The following PHIP variants were observed in gnomAD, a reference collection of about 807,000 sequenced individuals.
PHIP encodes the protein PH-interacting protein.
PHIP carries 54 observed loss-of-function variants against 236.8 expected under a neutral mutation model. The ratio of observed to expected loss-of-function variants is 0.23; its 90% CI spans 0.18 to 0.29. The LOEUF (loss-of-function observed/expected upper bound fraction) is 0.29. PHIP is among the 10% of genes least tolerant of loss of function. The pLI, the probability that PHIP is intolerant of heterozygous loss-of-function variation, is 1.00. For missense variants in PHIP, 1,370 were observed against 2,190.8 expected (o/e 0.63, Z 7.48); for synonymous variants, 756 against 718.9 (o/e 1.05, Z -0.83).
In PHIP at chr6:79,037,378, C is replaced by T. The variant is rs114101388; in HGVS notation, c.600+5465G>A. Among the ~76,000 whole-genome samples, 274 of 152,226 alleles carry T rather than the reference C, an allele frequency of 1.8e-3. 1 individual carries two copies. Among genetic ancestry groups the T allele is most frequent in the African/African-American group, 6.2e-3 (256 of 41,538 alleles). ...AAACAAGAAGCTGTGTTTTTCTCAG[C>T]GCATCACTTCTGAGAACACAACGTC... On this transcript the variant is annotated intron_variant, in intron 7 of 39. Coordinates refer to ENST00000275034, the MANE Select transcript of PHIP (RefSeq NM_017934.7).
At chr6:78,997,746 G>A (rs1474023922) in intron 18 of PHIP, 149 bp from the exon 19 acceptor site, 3 of 636,250 alleles carry the variant, frequency 4.7e-6, no homozygotes, top group Admixed American at 6.6e-5. Flanking sequence ...CTAAACCACA[G>A]GCAAAAGTGG....
chr6:79,035,077 C>T (rs571351224), intron 7 of PHIP, among the ~76,000 whole-genome samples: 20 of 152,202 alleles, frequency 1.3e-4, no homozygotes, highest in Admixed American at 1.2e-3. Flanking sequence ...ACTAACTACC[C>T]TAGAATTTGC....
chr6:79,022,711 G>A (rs1221871769), intron 9 of PHIP, among the ~76,000 whole-genome samples: 1 of 152,084 alleles, frequency 6.6e-6, no homozygotes, highest in African/African-American at 2.4e-5. Context: ...CCTACCCAGA[G>A]ACCTCTGGAG....
At chr6:79,038,087 C>CCT (rs1215208932) in intron 7 of PHIP, among the ~76,000 whole-genome samples, 1 of 152,176 alleles carries the variant, frequency 6.6e-6, no homozygotes, top group African/African-American at 2.4e-5. Context: ...ATTCCCATTC[C>CCT]CTCTTCACTG....
At chr6:78,969,761 T>C (rs1767400306) in intron 27 of PHIP, 74 bp downstream of exon 27, 3 of 662,868 alleles carry the variant, frequency 4.5e-6, no homozygotes, top group East Asian at 2.8e-5. Flanking sequence ...TTCTCAATTA[T>C]GAAAAATAGT....
intron 6 of PHIP, among the ~76,000 whole-genome samples, chr6:79,053,764 A>G (rs1356540640): frequency 6.6e-6 from 1 of 152,202 alleles, no homozygotes; most frequent in East Asian, 1.9e-4. Context: ...ATCAAACCCA[A>G]TAATCACTCT....
Position 78,937,114 on chromosome 6 carries a change from C to A in PHIP, c.*3579G>T, listed in dbSNP as rs116023286. ...CTCCTGCATATAAGCAGAACACTTACAGTCCTTTAATCACTCAAGTATCTT... is the reference window on the plus strand; with the variant it reads ...CTCCTGCATATAAGCAGAACACTTAAAGTCCTTTAATCACTCAAGTATCTT... On this transcript the variant is annotated 3_prime_UTR_variant, in exon 40 of 40. Transcript: ENST00000275034. 2 of 151,712 alleles carry A rather than the reference C, an allele frequency of 1.3e-5. No homozygotes were observed. The highest frequency in any genetic ancestry group is 2.1e-4 in the South Asian group (1 of 4,828). The allele number at this position is 151,712 out of a possible 1,614,324, so 9.4% of individuals were successfully genotyped here.
At chr6:78,976,113 G>A (rs1338856930) in intron 24 of PHIP, among the ~76,000 whole-genome samples, 5 of 150,314 alleles carry the variant, frequency 3.3e-5, no homozygotes, top group Admixed American at 3.3e-4. Flanking sequence ...CACACTACCT[G>A]ACTTCAAACT....
intron 6 of PHIP, among the ~76,000 whole-genome samples, chr6:79,052,385 A>G (rs919717095): frequency 6.6e-6 from 1 of 152,164 alleles, no homozygotes; most frequent in African/African-American, 2.4e-5. Flanking sequence ...CAGAGTAGAG[A>G]AAGGGCAAGT....
At chr6:79,027,875 C>T (rs1442381313) in intron 7 of PHIP, among the ~76,000 whole-genome samples, 3 of 152,098 alleles carry the variant, frequency 2.0e-5, no homozygotes, top group African/African-American at 4.8e-5. Flanking sequence ...GTTACATACA[C>T]TTCTTGTGCC....
intron 6 of PHIP, among the ~76,000 whole-genome samples, chr6:79,043,808 C>T (rs534245208): frequency 6.7e-6 from 1 of 150,174 alleles, no homozygotes; most frequent in Non-Finnish European, 1.5e-5. Flanking sequence ...TATTAACCTA[C>T]AGATGATCTT....
rs373218309 is a variant in PHIP at position 78,982,940 on chromosome 6, T to A, written c.2715A>T (p.Glu905Asp). Residue 905 changes from glutamate to aspartate, a missense_variant, in exon 23 of 40, where the codon GAA becomes GAT. Transcript: ENST00000275034. ...IKKEKKKVNEEKDGPISPKKK... is the reference protein window; with the variant it reads ...IKKEKKKVNEDKDGPISPKKK... Reference sequence around the variant, plus strand: ...TCTTTGGTGATATTGGTCCATCTTTTTCTTCATTTACTTTTTTCTTTTCCT... The same window carrying A: ...TCTTTGGTGATATTGGTCCATCTTTATCTTCATTTACTTTTTTCTTTTCCT... 19 of 1,599,418 alleles carry A rather than the reference T, an allele frequency of 1.2e-5. No homozygotes were observed. Among genetic ancestry groups the A allele is most frequent in the Non-Finnish European group, 1.5e-5 (18 of 1,174,454 alleles).
At position 79,075,619 on chromosome 6, in the gene PHIP, T is replaced by A. The variant is rs530377770; in HGVS notation, c.189+1829A>T. Among the ~76,000 whole-genome samples, 5 of 109,058 alleles carry A rather than the reference T, an allele frequency of 4.6e-5. No individual in the cohort carries two copies. In the South Asian group the frequency reaches 9.6e-4, roughly 21 times the overall value. 71.5% of individuals were successfully genotyped at this position (109,058 alleles called of 152,430 possible). A position where few individuals can be genotyped will look rare whatever the true frequency, so the allele number is the denominator to read the frequency against. On this transcript the variant is annotated intron_variant, in intron 4 of 39. Transcript: ENST00000275034. ...TAAATTAACTCAAAATCAAAATTGATAGCTCATTTTTACTGAAAAAAAAAA... is the reference window on the plus strand; with the variant it reads ...TAAATTAACTCAAAATCAAAATTGAAAGCTCATTTTTACTGAAAAAAAAAA...
Position 78,965,995 on chromosome 6 carries a change from T to C in PHIP, c.3267A>G (p.Glu1089=). The C allele has an allele frequency of 6.2e-7, 1 of 1,613,654 alleles. No homozygotes were observed. Among genetic ancestry groups the C allele is most frequent in the East Asian group, 2.2e-5 (1 of 44,848 alleles). ...AWWFGTIESQ[E]PLQLEYPDSL... ...TATCAGGGTACTCAAGTTGAAGAGG[T>C]TCCTGGCTTTCGATTGTTCCAAACC... The change falls in exon 28 of 40, where the codon GAA becomes GAG. Residue 1089 remains glutamate (E), a synonymous_variant. Transcript: ENST00000275034.
chr6:78,988,585 A>G (rs1339813742), intron 20 of PHIP, among the ~76,000 whole-genome samples: 1 of 152,176 alleles, frequency 6.6e-6, no homozygotes, highest in Non-Finnish European at 1.5e-5. Flanking sequence ...CTAACATACA[A>G]CAACAATAAA....
At chr6:78,950,790 C>A (rs1056620434) in intron 35 of PHIP, among the ~76,000 whole-genome samples, 1 of 151,758 alleles carries the variant, frequency 6.6e-6, no homozygotes, top group South Asian at 2.1e-4. Flanking sequence ...CTCAAAGAAC[C>A]CAGCTTTCAA....
intron 7 of PHIP, among the ~76,000 whole-genome samples, chr6:79,034,193 G>A (rs1348024997): frequency 2.0e-5 from 3 of 152,044 alleles, no homozygotes; most frequent in Non-Finnish European, 2.9e-5. Context: ...CTTTACTCAG[G>A]GTTTTCACAA....
rs1476013574 is a variant in PHIP, at chr6:78,954,928, G to C, written c.3939C>G (p.Ala1313=). Residue 1313 remains alanine (A), a synonymous_variant, in exon 35 of 40, where the codon GCC becomes GCG. Transcript: ENST00000275034. ...HQPRRRLRNR[A]QSYDIQAWKK... ...TCCATGCTTGAATATCGTAAGACTG[G>C]GCTCTATTACGTAATCTTCTTCTAG... 2.5e-6 allele frequency: 4 copies of C among 1,577,858 alleles called. No individual in the cohort carries two copies. The highest frequency in any genetic ancestry group is 8.6e-7 in the Non-Finnish European group (1 of 1,166,188).
At chr6:79,020,648 A>G (rs914143048) in intron 9 of PHIP, among the ~76,000 whole-genome samples, 3 of 152,186 alleles carry the variant, frequency 2.0e-5, no homozygotes, top group African/African-American at 7.2e-5. Flanking sequence ...CCATTTTTAA[A>G]AGGTTTTTAT....
Sources: allele counts gnomAD v4.1 joint callset (sites outside exome capture counted in the v4.1 genomes callset), GRCh38; gene constraint gnomAD v4.1.1; transcripts MANE v1.5; gene names NCBI Gene and HGNC (gene_info 2026-07-23, HGNC 2026-07-21).